Variants in DNAH7 observed in about 807,000 individuals in gnomAD.
The protein encoded by DNAH7 is dynein axonemal heavy chain 7.
A neutral mutation model predicts 444.6 loss-of-function variants in DNAH7; 397 were observed. The ratio of observed to expected loss-of-function variants is 0.89; its 90% CI spans 0.82 to 0.97. The LOEUF (loss-of-function observed/expected upper bound fraction) is 0.97, where lower values mean the gene tolerates loss of function less well. DNAH7 is among the 50% of genes least tolerant of loss of function. DNAH7 has a pLI of 0.00. For synonymous variants in DNAH7, 1,636 were observed against 1,624.4 expected, an observed-to-expected ratio of 1.01 and a Z score of -0.17; for missense variants, 4,902 against 4,800.8, an observed-to-expected ratio of 1.02 and a Z score of -0.62.
intron 18 of DNAH7, among the ~76,000 whole-genome samples, chr2:195,959,459 A>C (rs554305125): frequency 2.6e-5 from 4 of 151,942 alleles, no homozygotes; most frequent in African/African-American, 9.6e-5. Flanking sequence ...TTCTTCTCTT[A>C]ATGTGCATGC....
chr2:196,006,870 A>G (rs1192990560), intron 10 of DNAH7, among the ~76,000 whole-genome samples: 1 of 152,118 alleles, frequency 6.6e-6, no homozygotes, highest in Non-Finnish European at 1.5e-5. Flanking sequence ...CATTTAATAC[A>G]TATAAAATTA....
At chr2:195,873,516 T>C (rs1700840369) in intron 39 of DNAH7, 52 bp downstream of exon 39, 2 of 1,107,486 alleles carry the variant, frequency 1.8e-6, no homozygotes, top group Non-Finnish European at 2.4e-6. Context: ...GATATGTTTC[T>C]AAAATATTTT....
intron 49 of DNAH7, among the ~76,000 whole-genome samples, chr2:195,821,343 T>C (rs545099453): frequency 1.4e-4 from 22 of 152,312 alleles, no homozygotes; most frequent in African/African-American, 5.1e-4. Context: ...TGCTGTTCTC[T>C]CTACTTTTGG....
intron 56 of DNAH7, 101 bp from the exon 57 acceptor site, chr2:195,794,639 T>C: frequency 2.7e-6 from 3 of 1,117,926 alleles, no homozygotes; most frequent in Non-Finnish European, 3.9e-6. Context: ...GGAAGTATTT[T>C]TACAAAGTAG....
rs1173565002 is a variant in DNAH7 at position 196,054,919 on chromosome 2, G to A, written c.78+3135C>T. On this transcript the variant is annotated intron_variant, in intron 2 of 64. Coordinates refer to ENST00000312428, the MANE Select transcript of DNAH7 (RefSeq NM_018897.3). ...TTGTAAGTTTCCTGAGGCCTCCCCAGCCATGTGGAACTGTGAGTCAACTAA... is the reference window on the plus strand; with the variant it reads ...TTGTAAGTTTCCTGAGGCCTCCCCAACCATGTGGAACTGTGAGTCAACTAA... Among the ~76,000 whole-genome samples the A allele has an allele frequency of 2.6e-5, 4 of 152,172 alleles. No homozygotes were observed. The East Asian group carries it at 7.7e-4, about 29-fold the overall frequency.
chr2:195,981,211 G>A (rs1476183727), intron 15 of DNAH7, among the ~76,000 whole-genome samples: 3 of 151,782 alleles, frequency 2.0e-5, no homozygotes, highest in Admixed American at 2.0e-4. Context: ...GGGACAATCT[G>A]AAAAAGAAAT....
chr2:195,880,172 C>T lies in DNAH7; in HGVS notation c.5961+1623G>A, dbSNP rs377339775. Among the ~76,000 whole-genome samples, 69 of 151,978 alleles carry T rather than the reference C, an allele frequency of 4.5e-4. No individual in the cohort carries two copies. The South Asian group carries it at 0.012, about 27-fold the overall frequency. ...AATGAAATCCCCCTGAAGGGCATGGCGGACAATAACCTCTATGAGGAACAG... is the reference window on the plus strand; with the variant it reads ...AATGAAATCCCCCTGAAGGGCATGGTGGACAATAACCTCTATGAGGAACAG... On this transcript the variant is annotated intron_variant, in intron 36 of 64. Coordinates refer to ENST00000312428, the MANE Select transcript of DNAH7 (RefSeq NM_018897.3).
At chr2:195,985,594 A>G (rs985386856) in intron 14 of DNAH7, among the ~76,000 whole-genome samples, 3 of 152,284 alleles carry the variant, frequency 2.0e-5, no homozygotes, top group Admixed American at 2.0e-4. Context: ...GAAGGCATTC[A>G]TATCTAATGA....
intron 15 of DNAH7, among the ~76,000 whole-genome samples, chr2:195,978,413 AC>A (rs1273699689): frequency 6.6e-6 from 1 of 152,148 alleles, no homozygotes; most frequent in Non-Finnish European, 1.5e-5. Context: ...CATACAGAAA[AC>A]GAAAAGCAGG....
Position 195,857,604 on chromosome 2 carries a change from C to A in DNAH7, c.8187G>T (p.Gly2729=). 6.2e-7 allele frequency: 1 copy of A among 1,613,904 alleles called. No individual in the cohort carries two copies. Among genetic ancestry groups the A allele is most frequent in the Non-Finnish European group, 8.5e-7 (1 of 1,179,924 alleles). Residue 2729 remains glycine, a synonymous_variant, in exon 44 of 65, where the codon GGG becomes GGT. Transcript: ENST00000312428. ...GGCCCCAGAAATCCTCAATTTTTTT[C>A]CCTGAACCTGTTGGGTCAGGGATTT... is the stretch of plus-strand genomic sequence containing the variant. ...ADKIPDPTGS[G]KKIEDFWGPA...
intron 57 of DNAH7, among the ~76,000 whole-genome samples, chr2:195,793,352 G>C (rs80038836): frequency 0.01 from 1,589 of 152,248 alleles, 35 homozygotes; most frequent in East Asian, 0.07. Flanking sequence ...TTTGGTTTTC[G>C]TTCGGGCTGT....
At chr2:195,981,529 A>C (rs1212541620) in intron 15 of DNAH7, among the ~76,000 whole-genome samples, 1 of 152,176 alleles carries the variant, frequency 6.6e-6, no homozygotes, top group African/African-American at 2.4e-5. Context: ...AAAAAGAACA[A>C]AACTGGAGGA....
Position 196,051,136 on chromosome 2 carries a change from A to C in DNAH7, c.141+51T>G, listed in dbSNP as rs770542398. On this transcript the variant is annotated intron_variant, in intron 3 of 64. Coordinates refer to ENST00000312428, the MANE Select transcript of DNAH7 (RefSeq NM_018897.3). ...TTATTTTCAAGTTAGAAAACTAATA[A>C]ACATTTTTTGAAGCACAAAAATTCA... The C allele has an allele frequency of 2.0e-6, 3 of 1,525,338 alleles. No homozygotes were observed. In the South Asian group the frequency reaches 3.5e-5, roughly 18 times the overall value. The allele number at this position is 1,525,338 out of a possible 1,614,324, so 94.5% of individuals were successfully genotyped here. A position where few individuals can be genotyped will look rare whatever the true frequency, so the allele number is the denominator to read the frequency against.
intron 2 of DNAH7, among the ~76,000 whole-genome samples, chr2:196,052,592 T>C (rs1160420604): frequency 6.6e-6 from 1 of 152,228 alleles, no homozygotes; most frequent in Non-Finnish European, 1.5e-5. Context: ...GGGTAAATAC[T>C]GTTGTACCAC....
intron 10 of DNAH7, among the ~76,000 whole-genome samples, chr2:196,012,196 A>G (rs1694762234): frequency 6.6e-6 from 1 of 152,140 alleles, no homozygotes; most frequent in Non-Finnish European, 1.5e-5. Context: ...ATAATAACTT[A>G]ATGACCCATG....
intron 35 of DNAH7, among the ~76,000 whole-genome samples, chr2:195,883,649 T>C (rs1701550356): frequency 6.6e-6 from 1 of 152,118 alleles, no homozygotes; most frequent in South Asian, 2.1e-4. Context: ...TAATAAACTG[T>C]AAACTACCCT....
At chr2:195,957,591 G>A (rs1023341666) in intron 18 of DNAH7, 144 bp from the exon 19 acceptor site, 1 of 420,248 alleles carries the variant, frequency 2.4e-6, no homozygotes. Context: ...TGTATATAAT[G>A]TTATACAATT....
intron 5 of DNAH7, among the ~76,000 whole-genome samples, chr2:196,038,681 A>C (rs1007765267): frequency 3.3e-5 from 5 of 152,196 alleles, no homozygotes; most frequent in African/African-American, 9.6e-5. Flanking sequence ...TAGAATTTGC[A>C]TGGTATATCT....
At chr2:195,916,335 C>CT (rs1051856647) in intron 24 of DNAH7, among the ~76,000 whole-genome samples, 5 of 151,976 alleles carry the variant, frequency 3.3e-5, no homozygotes, top group East Asian at 1.9e-4. Flanking sequence ...TATTTCTTTT[C>CT]TTTTTTTTGA....
Sources: allele counts gnomAD v4.1 joint callset (sites outside exome capture counted in the v4.1 genomes callset), GRCh38; gene constraint gnomAD v4.1.1; transcripts MANE v1.5; gene names NCBI Gene and HGNC (gene_info 2026-07-23, HGNC 2026-07-21).